CSMD1: variants seen among roughly 807,000 people sequenced by gnomAD.
The protein encoded by CSMD1 is CUB and Sushi multiple domains 1, also known as CUB and sushi domain-containing protein 1.
CSMD1 carries 213 observed loss-of-function variants against 417.5 expected under a neutral mutation model. The observed-to-expected ratio is 0.51, with a 90% CI of 0.46 to 0.57. The LOEUF (loss-of-function observed/expected upper bound fraction) is 0.57. Ranked by LOEUF, CSMD1 falls within the 20% of genes least tolerant of loss-of-function variation. CSMD1 has a pLI of 0.00. For synonymous variants in CSMD1, 2,862 were observed against 1,736.8 expected (o/e 1.65, Z -16.11); for missense variants, 6,923 against 4,529.7 (o/e 1.53, Z -15.17).
chr8:3,932,628 T>C lies in CSMD1; in HGVS notation c.818+65275A>G, dbSNP rs149308462. ...AGTATCATATTTCACCAAACATTTA[T>C]ATTGACATTTTGCATGTTATTAGGG... is the stretch of plus-strand genomic sequence containing the variant. On this transcript the variant is annotated intron_variant, in intron 5 of 69. Transcript: ENST00000635120. Among the ~76,000 whole-genome samples the C allele has an allele frequency of 7.4e-4, 111 of 150,636 alleles. 7 individuals are homozygous for C. In the East Asian group the frequency reaches 0.018, roughly 25 times the overall value.
At chr8:4,267,502 A>C (rs557057478) in intron 3 of CSMD1, among the ~76,000 whole-genome samples, 9 of 151,836 alleles carry the variant, frequency 5.9e-5, no homozygotes, top group African/African-American at 2.2e-4. Context: ...TTCATATCTA[A>C]ACGCAGTAAG....
intron 3 of CSMD1, among the ~76,000 whole-genome samples, chr8:4,338,658 C>T (rs6558864): frequency 0.51 from 77,288 of 151,930 alleles, 21,556 homozygotes; most frequent in African/African-American, 0.76. Context: ...AATGTGCTCA[C>T]GGGTGAGTCA....
chr8:3,780,375 G>T (rs192834781), intron 5 of CSMD1, among the ~76,000 whole-genome samples: 1 of 152,130 alleles, frequency 6.6e-6, no homozygotes, highest in African/African-American at 2.4e-5. Context: ...ATCAAGAGGC[G>T]GCCTGGTCCT....
chr8:3,117,975 T>G (rs1288317722), intron 42 of CSMD1, among the ~76,000 whole-genome samples: 1 of 152,194 alleles, frequency 6.6e-6, no homozygotes, highest in African/African-American at 2.4e-5. Flanking sequence ...AATATGAAAT[T>G]ATTATAAAAG....
intron 2 of CSMD1, among the ~76,000 whole-genome samples, chr8:4,599,989 G>A (rs1030565729): frequency 6.6e-5 from 10 of 152,172 alleles, no homozygotes; most frequent in Admixed American, 3.3e-4. Flanking sequence ...GGTGTTCACT[G>A]TGATAACTAG....
chr8:4,073,468 T>C lies in CSMD1; in HGVS notation c.416-41369A>G, dbSNP rs151027045. On this transcript the variant is annotated intron_variant, in intron 3 of 69. Transcript: ENST00000635120. Reference sequence around the variant, plus strand: ...CGACTGTCTTACTTAGATTCTATTTTCTCCTCATTTTCTGGCTGTCCTCAT... The same window carrying C: ...CGACTGTCTTACTTAGATTCTATTTCCTCCTCATTTTCTGGCTGTCCTCAT... Among the ~76,000 whole-genome samples, 247 of 152,260 alleles carry C rather than the reference T, an allele frequency of 1.6e-3. 1 individual carries two copies. The highest frequency in any genetic ancestry group is 5.6e-3 in the African/African-American group (232 of 41,562).
chr8:3,661,647 C>T (rs1248472213), intron 7 of CSMD1, among the ~76,000 whole-genome samples: 2 of 152,138 alleles, frequency 1.3e-5, no homozygotes, highest in Non-Finnish European at 2.9e-5. Flanking sequence ...CAGGTATCCA[C>T]CATCTCGCCC....
chr8:3,941,896 G>A (rs570579093), intron 5 of CSMD1, among the ~76,000 whole-genome samples: 60 of 152,210 alleles, frequency 3.9e-4, no homozygotes, highest in Non-Finnish European at 7.8e-4. Flanking sequence ...GCCCTTTTAG[G>A]AATTGGGCCA....
At chr8:3,372,262 G>GAAA (rs1810004730) in intron 18 of CSMD1, among the ~76,000 whole-genome samples, 1 of 152,114 alleles carries the variant, frequency 6.6e-6, no homozygotes, top group Admixed American at 6.6e-5. Flanking sequence ...TTAGGACCAG[G>GAAA]GCTCAAGCTA....
At chr8:4,641,740 T>C (rs955265196) in intron 1 of CSMD1, among the ~76,000 whole-genome samples, 5 of 152,052 alleles carry the variant, frequency 3.3e-5, no homozygotes, top group Non-Finnish European at 7.4e-5. Context: ...TCACAATAAA[T>C]ACCTTAGATC....
intron 25 of CSMD1, among the ~76,000 whole-genome samples, chr8:3,288,931 T>A (rs1235018784): frequency 1.4e-5 from 2 of 147,106 alleles, no homozygotes; most frequent in African/African-American, 5.4e-5. Context: ...ACCCATTAAC[T>A]CATCATTTAA....
At chr8:4,593,611 A>G (rs1277209339) in intron 2 of CSMD1, among the ~76,000 whole-genome samples, 3 of 152,138 alleles carry the variant, frequency 2.0e-5, no homozygotes, top group African/African-American at 4.8e-5. Flanking sequence ...TGACAGAAAT[A>G]TTTTTATGAT....
chr8:2,950,221 A>G lies in CSMD1; in HGVS notation c.10314+10T>C. ...CTGTGCTTTGTCACAGACCTTACACATGTACTTACATAACCATCTAGTCCC... is the reference window on the plus strand; with the variant it reads ...CTGTGCTTTGTCACAGACCTTACACGTGTACTTACATAACCATCTAGTCCC... On this transcript the variant is annotated intron_variant, in intron 67 of 69. Transcript: ENST00000635120. 2.0e-6 allele frequency: 3 copies of G among 1,508,372 alleles called. No homozygotes were observed. Among genetic ancestry groups the G allele is most frequent in the South Asian group, 1.1e-5 (1 of 88,950 alleles). 93.4% of individuals were successfully genotyped at this position (1,508,372 alleles called of 1,614,324 possible). A position where few individuals can be genotyped will look rare whatever the true frequency, so the allele number is the denominator to read the frequency against.
chr8:3,669,134 G>A (rs141469479), intron 7 of CSMD1, among the ~76,000 whole-genome samples: 1 of 152,212 alleles, frequency 6.6e-6, no homozygotes, highest in East Asian at 1.9e-4. Flanking sequence ...ATCCCTCAAG[G>A]GCAGAATGGT....
chr8:4,391,408 C>G (rs966174062), intron 3 of CSMD1, among the ~76,000 whole-genome samples: 46 of 152,208 alleles, frequency 3.0e-4, no homozygotes, highest in African/African-American at 1.1e-3. Flanking sequence ...GAAGACTAGG[C>G]TTTCAGAGCC....
intron 7 of CSMD1, among the ~76,000 whole-genome samples, chr8:3,694,743 C>T (rs573136314): frequency 1.8e-4 from 28 of 151,816 alleles, no homozygotes; most frequent in Non-Finnish European, 3.5e-4. Context: ...CATTCTGCTT[C>T]GAAAGCAACA....
At chr8:3,134,160 G>C (rs899290611) in intron 41 of CSMD1, among the ~76,000 whole-genome samples, 11 of 151,858 alleles carry the variant, frequency 7.2e-5, no homozygotes, top group African/African-American at 2.2e-4. Flanking sequence ...GACAGAGTGA[G>C]ACTCCATCTC....
At chr8:4,056,108 G>T (rs1170222334) in intron 3 of CSMD1, among the ~76,000 whole-genome samples, 4 of 122,428 alleles carry the variant, frequency 3.3e-5, no homozygotes, top group Non-Finnish European at 6.4e-5. Context: ...TTGAGACAGA[G>T]TCTCACTTTG....
intron 26 of CSMD1, among the ~76,000 whole-genome samples, chr8:3,245,628 T>C (rs1799829785): frequency 6.6e-6 from 1 of 152,208 alleles, no homozygotes; most frequent in African/African-American, 2.4e-5. Flanking sequence ...AGCCTAAATC[T>C]TCCGCAGGCA....
Sources: allele counts gnomAD v4.1 joint callset (sites outside exome capture counted in the v4.1 genomes callset), GRCh38; gene constraint gnomAD v4.1.1; transcripts MANE v1.5; gene names NCBI Gene and HGNC (gene_info 2026-07-23, HGNC 2026-07-21).